The following SAMMSON variants were observed in gnomAD, a reference collection of about 807,000 sequenced individuals.
The protein encoded by SAMMSON is long intergenic non-protein coding RNA 1212.
chr3:70,262,048 T>C (rs935528275), intron 6 of SAMMSON, among the ~76,000 whole-genome samples: 2 of 152,188 alleles, frequency 1.3e-5, no homozygotes, highest in Non-Finnish European at 2.9e-5. Context: ...CCATTCCTCA[T>C]GTGTCCTTGC....
intron 4 of SAMMSON, among the ~76,000 whole-genome samples, chr3:70,152,111 T>A (rs144024877): frequency 6.6e-6 from 1 of 151,986 alleles, no homozygotes. Context: ...AGAGTAAAAA[T>A]ATTTATAAAA....
chr3:70,243,021 A>T (rs900695579), intron 4 of SAMMSON, among the ~76,000 whole-genome samples: 1 of 152,162 alleles, frequency 6.6e-6, no homozygotes, highest in East Asian at 1.9e-4. Context: ...GTTTTGTGAC[A>T]TGGGTTTTTA....
rs537849234 is a variant in SAMMSON at position 70,225,066 on chromosome 3, G to T, written n.508-24041G>T. Reference sequence around the variant, plus strand: ...AAAATATATTTCTCTAATATATCTTGGGTGTTGGAAAGTTACAGAATAAAT... The same window carrying T: ...AAAATATATTTCTCTAATATATCTTTGGTGTTGGAAAGTTACAGAATAAAT... On this transcript the variant is annotated intron_variant and non_coding_transcript_variant, in intron 4 of 9. Coordinates refer to ENST00000642114, the Ensembl canonical transcript of SAMMSON. 3.8e-4 allele frequency among the ~76,000 whole-genome samples: 58 copies of T among 152,236 alleles called. 1 individual carries two copies. Among genetic ancestry groups the T allele is most frequent in the Middle Eastern group, 3.4e-3 (1 of 292 alleles).
intron 6 of SAMMSON, among the ~76,000 whole-genome samples, chr3:70,283,420 CTGGATACTGTAGAA>C (rs1285345607): frequency 1.3e-5 from 2 of 152,070 alleles, no homozygotes; most frequent in Admixed American, 6.6e-5. Flanking sequence ...GAAATTCTCC[CTGGATACTGTAGAA>C]TTGTTCAAAG....
chr3:70,224,067 C>T (rs957733162), intron 4 of SAMMSON, among the ~76,000 whole-genome samples: 5 of 152,106 alleles, frequency 3.3e-5, no homozygotes, highest in Non-Finnish European at 5.9e-5. Context: ...ACAGTAGATA[C>T]TGTAACAAAC....
intron 3 of SAMMSON, among the ~76,000 whole-genome samples, chr3:70,028,356 G>C (rs2107583058): frequency 6.6e-6 from 1 of 152,252 alleles, no homozygotes; most frequent in East Asian, 1.9e-4. Flanking sequence ...CTTTGAATAT[G>C]TTGTGTTTGC....
intron 9 of SAMMSON, among the ~76,000 whole-genome samples, chr3:70,383,646 G>A (rs1047595867): frequency 3.3e-5 from 5 of 151,880 alleles, no homozygotes; most frequent in Non-Finnish European, 5.9e-5. Flanking sequence ...AAAAACTGTT[G>A]TGTAATATTG....
chr3:70,252,255 T>C (rs1026207677), intron 6 of SAMMSON, among the ~76,000 whole-genome samples: 1 of 152,228 alleles, frequency 6.6e-6, no homozygotes. Context: ...TTATCCAATG[T>C]ATGACTTAGG....
In SAMMSON at chr3:70,351,430, T is replaced by A. The variant is rs75643013; in HGVS notation, n.740-2745T>A. 1.3e-3 allele frequency among the ~76,000 whole-genome samples: 195 copies of A among 152,214 alleles called. 1 individual carries two copies. In the East Asian group the frequency reaches 0.03, roughly 23 times the overall value. On this transcript the variant is annotated intron_variant and non_coding_transcript_variant, in intron 7 of 9. Coordinates refer to ENST00000642114, the Ensembl canonical transcript of SAMMSON. ...GAAAAATATGTTTCCAAAATATGTATTAAAATCAATAGAATAGTTCTATTT... is the reference window on the plus strand; with the variant it reads ...GAAAAATATGTTTCCAAAATATGTAATAAAATCAATAGAATAGTTCTATTT...
intron 4 of SAMMSON, among the ~76,000 whole-genome samples, chr3:70,149,975 C>G (rs1031602806): frequency 3.9e-5 from 6 of 152,056 alleles, no homozygotes; most frequent in Admixed American, 1.3e-4. Flanking sequence ...GTGTCCAGCT[C>G]TTTCTTTCAA....
intron 6 of SAMMSON, among the ~76,000 whole-genome samples, chr3:70,258,288 G>A (rs1701835583): frequency 6.6e-6 from 1 of 151,940 alleles, no homozygotes; most frequent in African/African-American, 2.4e-5. Flanking sequence ...TTAATAAATT[G>A]GCTTTCATCA....
chr3:70,045,654 A>T (rs1264427061), intron 3 of SAMMSON, among the ~76,000 whole-genome samples: 1 of 152,098 alleles, frequency 6.6e-6, no homozygotes, highest in Non-Finnish European at 1.5e-5. Context: ...CTCCAAAGTG[A>T]AGCGACTAGT....
intron 9 of SAMMSON, among the ~76,000 whole-genome samples, chr3:70,371,512 A>AT (rs1393930656): frequency 6.6e-6 from 1 of 150,616 alleles, no homozygotes; most frequent in Non-Finnish European, 1.5e-5. Flanking sequence ...AGTTTTTGTT[A>AT]TTTTTCTTTT....
chr3:70,327,996 C>T (rs1702590791), intron 7 of SAMMSON, among the ~76,000 whole-genome samples: 2 of 152,160 alleles, frequency 1.3e-5, no homozygotes, highest in African/African-American at 2.4e-5. Flanking sequence ...CTCACAGTTC[C>T]ACATGGCTGG....
intron 3 of SAMMSON, among the ~76,000 whole-genome samples, chr3:70,062,166 C>T (rs1319399706): frequency 6.6e-6 from 1 of 151,996 alleles, no homozygotes; most frequent in Non-Finnish European, 1.5e-5. Flanking sequence ...CCCGCATGGC[C>T]CGTTTCCCCA....
chr3:70,039,872 G>A (rs1166267480), intron 3 of SAMMSON, among the ~76,000 whole-genome samples: 2 of 152,078 alleles, frequency 1.3e-5, no homozygotes. Flanking sequence ...CTTTTATGGA[G>A]TGCTTGAAGA....
At chr3:70,151,062 G>A (rs961234770) in intron 4 of SAMMSON, among the ~76,000 whole-genome samples, 2 of 148,802 alleles carry the variant, frequency 1.3e-5, no homozygotes, top group African/African-American at 5.0e-5. Flanking sequence ...TTAGCATCCA[G>A]CCAGGAAAAC....
intron 9 of SAMMSON, among the ~76,000 whole-genome samples, chr3:70,383,275 A>G (rs1312087872): frequency 1.3e-5 from 2 of 151,786 alleles, no homozygotes; most frequent in African/African-American, 2.4e-5. Flanking sequence ...TACATTTGTT[A>G]CATTTGTTGA....
chr3:70,400,672 C>CT (rs1401674380), intron 2 of SAMMSON, among the ~76,000 whole-genome samples: 9 of 152,262 alleles, frequency 5.9e-5, no homozygotes, highest in African/African-American at 1.9e-4. Context: ...TGGCTCATGC[C>CT]TGTAATCCCA....
Sources: gnomAD v4.1 joint callset for allele counts (sites outside exome capture counted in the v4.1 genomes callset) on GRCh38, gnomAD v4.1.1 for gene constraint, MANE v1.5 for transcripts, NCBI Gene and HGNC (gene_info 2026-07-23, HGNC 2026-07-21) for gene names.